Variants in FNDC1 observed in about 807,000 individuals in gnomAD.
FNDC1 encodes the protein fibronectin type III domain containing 1.
FNDC1 carries 96 observed loss-of-function variants against 168.0 expected under a neutral mutation model. The ratio of observed to expected loss-of-function variants is 0.57; its 90% confidence interval spans 0.48 to 0.68. The LOEUF (loss-of-function observed/expected upper bound fraction) is 0.68, where lower values mean the gene tolerates loss of function less well. FNDC1 is among the 30% of genes least tolerant of loss of function. The pLI is 0.00. For synonymous variants in FNDC1, 1,099 were observed against 1,025.9 expected, an observed-to-expected ratio of 1.07 and a Z score of -1.36; for missense variants, 2,587 against 2,482.1, an observed-to-expected ratio of 1.04 and a Z score of -0.90.
chr6:159,228,561 A>T (rs1783006150), intron 9 of FNDC1, among the ~76,000 whole-genome samples: 1 of 152,108 alleles, frequency 6.6e-6, no homozygotes, highest in East Asian at 1.9e-4. Context: ...TTTTTAAATA[A>T]ATATACTTTT....
chr6:159,220,471 C>A (rs1314233188), intron 5 of FNDC1, among the ~76,000 whole-genome samples: 1 of 152,058 alleles, frequency 6.6e-6, no homozygotes, highest in East Asian at 1.9e-4. Context: ...GCAACAGGAG[C>A]CTTGGTCAGA....
At chr6:159,245,532 A>G (rs1783522600) in intron 14 of FNDC1, among the ~76,000 whole-genome samples, 4 of 152,208 alleles carry the variant, frequency 2.6e-5, no homozygotes, top group Admixed American at 2.6e-4. Context: ...TTTATCAGCT[A>G]CAGTGAGATG....
intron 4 of FNDC1, among the ~76,000 whole-genome samples, chr6:159,210,091 GCTT>G (rs1160886557): frequency 1.3e-4 from 20 of 152,374 alleles, no homozygotes; most frequent in African/African-American, 4.1e-4. Flanking sequence ...AACTGTGCCA[GCTT>G]CTCTGTAAGC....
At chr6:159,211,715 GTGTGCT>G (rs1317350813) in intron 4 of FNDC1, among the ~76,000 whole-genome samples, 5 of 152,148 alleles carry the variant, frequency 3.3e-5, no homozygotes, top group African/African-American at 9.7e-5. Context: ...AACACAACTA[GTGTGCT>G]TAATACAGCA....
At chr6:159,187,237 G>A (rs906768352) in intron 1 of FNDC1, among the ~76,000 whole-genome samples, 2 of 152,170 alleles carry the variant, frequency 1.3e-5, no homozygotes, top group Admixed American at 1.3e-4. Context: ...AATGGATTGG[G>A]CAGTGAGGAA....
chr6:159,240,032 G>T, intron 14 of FNDC1, 75 bp downstream of exon 14: 1 of 1,345,460 alleles, frequency 7.4e-7, no homozygotes, highest in Non-Finnish European at 9.9e-7. Flanking sequence ...GGGTGGCAGA[G>T]CCTGCAGGGG....
rs939474641 is a variant in FNDC1 at position 159,234,583 on chromosome 6, C to T, written c.3967+104C>T. 151 of 1,056,488 alleles carry T rather than the reference C, an allele frequency of 1.4e-4. No homozygotes were observed. In the Admixed American group the frequency reaches 1.9e-3, roughly 13 times the overall value. The allele number at this position is 1,056,488 out of a possible 1,614,324, so 65.4% of individuals were successfully genotyped here. On this transcript the variant is annotated intron_variant, in intron 11 of 22. Coordinates refer to ENST00000297267, the MANE Select transcript of FNDC1 (RefSeq NM_032532.3). The stretch of plus-strand genomic sequence containing the variant: ...TTGCATTTAGCACCTACTATGTCCA[C>T]GCACCGTGTTAAGAGCTTTGCACAT...
At chr6:159,269,755 T>C (rs988869628) in intron 22 of FNDC1, among the ~76,000 whole-genome samples, 1 of 152,190 alleles carries the variant, frequency 6.6e-6, no homozygotes, top group African/African-American at 2.4e-5. Flanking sequence ...GATGTTGCAG[T>C]TCAAATCCAA....
intron 1 of FNDC1, among the ~76,000 whole-genome samples, chr6:159,172,437 T>C (rs1389378517): frequency 3.3e-5 from 5 of 152,382 alleles, no homozygotes; most frequent in Middle Eastern, 3.4e-3. Flanking sequence ...ATTTCAGCTT[T>C]CAAGTGAAAA....
At chr6:159,268,041 G>A in intron 22 of FNDC1, 115 bp downstream of exon 22, 1 of 1,100,188 alleles carries the variant, frequency 9.1e-7, no homozygotes, top group South Asian at 1.4e-5. Context: ...ATGGATGTTG[G>A]GAGCACTTAA....
chr6:159,269,491 TATCTATCTATCC>T (rs1562316051), intron 22 of FNDC1, among the ~76,000 whole-genome samples: 5 of 49,972 alleles, frequency 1.0e-4, no homozygotes, highest in African/African-American at 3.4e-4. Context: ...TCTATCTATC[TATCTATCTATCC>T]ATCCATCCAT....
intron 1 of FNDC1, among the ~76,000 whole-genome samples, chr6:159,178,994 A>G (rs1781826384): frequency 6.6e-6 from 1 of 152,268 alleles, no homozygotes; most frequent in Non-Finnish European, 1.5e-5. Context: ...CAGAGTCCCA[A>G]CAAGTTTTCC....
rs1316570656 is a variant in FNDC1, at chr6:159,233,627, G to T, written c.3115G>T (p.Gly1039Trp). The change falls in exon 11 of 23, where the codon GGG becomes TGG. Residue 1039 changes from glycine (G) to tryptophan (W), a missense_variant. Coordinates refer to ENST00000297267, the MANE Select transcript of FNDC1 (RefSeq NM_032532.3). The surrounding 1 kb of genome is among the most constrained non-coding windows in gnomAD (Gnocchi z 4.6). The part of the protein sequence containing the change: ...SQPRLSLTQA[G>W]RPRPTSQGRS... ...GCCCAGGCTCTCACTGACCCAGGCC[G>T]GGCGGCCCCGCCCCACGTCGCAGGG... 6.4e-7 allele frequency: 1 copy of T among 1,560,560 alleles called. No homozygotes were observed.
At chr6:159,182,689 G>C (rs1781906491) in intron 1 of FNDC1, among the ~76,000 whole-genome samples, 1 of 152,184 alleles carries the variant, frequency 6.6e-6, no homozygotes, top group Non-Finnish European at 1.5e-5. Context: ...GTATTCCCAG[G>C]GGAGTGGCTT....
At chr6:159,250,815 G>T (rs1267532021) in intron 16 of FNDC1, among the ~76,000 whole-genome samples, 1 of 152,174 alleles carries the variant, frequency 6.6e-6, no homozygotes, top group Non-Finnish European at 1.5e-5. Flanking sequence ...TGTTGTGGTG[G>T]TTTATGAAGC....
At chr6:159,207,090 T>A (rs1205961136) in intron 4 of FNDC1, among the ~76,000 whole-genome samples, 1 of 151,826 alleles carries the variant, frequency 6.6e-6, no homozygotes, top group African/African-American at 2.4e-5. Flanking sequence ...GCCTCAGGAG[T>A]CCCTGCTGGC....
intron 16 of FNDC1, 106 bp from the exon 17 acceptor site, chr6:159,251,196 C>A: frequency 2.5e-6 from 2 of 808,806 alleles, no homozygotes; most frequent in South Asian, 1.7e-5. Context: ...CTCCGTCCAG[C>A]AGGAAGAGAC....
At chr6:159,215,709 G>T (rs920801740) in intron 5 of FNDC1, among the ~76,000 whole-genome samples, 1 of 152,212 alleles carries the variant, frequency 6.6e-6, no homozygotes, top group African/African-American at 2.4e-5. Context: ...AGTCAGTCCA[G>T]GTTCCCAAAC....
chr6:159,234,938 T>C (rs1783212919), intron 11 of FNDC1, among the ~76,000 whole-genome samples: 1 of 152,374 alleles, frequency 6.6e-6, no homozygotes, highest in Admixed American at 6.5e-5. Context: ...CCATAGAAGC[T>C]GGTTAGATAC....
Sources: allele counts gnomAD v4.1 joint callset (sites outside exome capture counted in the v4.1 genomes callset), GRCh38; gene constraint gnomAD v4.1.1; non-coding constraint Gnocchi (gnomAD v3.1); transcripts MANE v1.5; gene names NCBI Gene and HGNC (gene_info 2026-07-23, HGNC 2026-07-21).